The following MED14 variants were observed in gnomAD, a reference collection of about 807,000 sequenced individuals.
MED14 encodes mediator of RNA polymerase II transcription subunit 14.
MED14 carries 8 observed loss-of-function variants against 109.0 expected under a neutral mutation model. The observed-to-expected ratio is 0.07, with a 90% CI of 0.04 to 0.13. The LOEUF is 0.13. MED14 is among the 10% of genes least tolerant of loss of function. The pLI is 1.00. For synonymous variants in MED14, 399 were observed against 408.7 expected (o/e 0.98, Z 0.29); for missense variants, 711 against 1,142.4 (o/e 0.62, Z 5.44).
chrX:40,682,501 T>G, intron 18 of MED14, 102 bp downstream of exon 18: 1 of 670,914 alleles, frequency 1.5e-6, no homozygotes, highest in Non-Finnish European at 2.1e-6. Context: ...TATACTTTGA[T>G]TTTTTTGCTT....
Position 40,714,729 on chromosome X carries a change from A to G in MED14, c.349-19T>C, listed in dbSNP as rs774619740. 3.5e-5 allele frequency: 41 copies of G among 1,182,573 alleles called. No individual in the cohort carries two copies. The highest frequency in any genetic ancestry group is 4.2e-5 in the Non-Finnish European group (37 of 876,788). On this transcript the variant is annotated intron_variant, in intron 3 of 30. Transcript: ENST00000324817. The stretch of plus-strand genomic sequence containing the variant: ...AAATCATCTTTAAAGTAAAGGGTAA[A>G]TGTATTAAGCATCCCTGAAAACTAT...
Position 40,735,270 on chromosome X carries a change from C to T in MED14, c.143G>A (p.Gly48Asp), listed in dbSNP as rs1932217125. The change falls in exon 1 of 31, where the codon GGC becomes GAC. Residue 48 changes from glycine to aspartate, a missense_variant. By Grantham distance (94) the Gly-to-Asp change is moderately conservative. Around this residue, in one of 8 missense-constraint regions of MED14, gnomAD observed 62 missense variants for 55.2 expected, o/e 1.12. Transcript: ENST00000324817. ...TTCAATGAGGGTGCTCAGCCGGTAG[C>T]CCGGGCTAGCCGCAGCTGCAGCGGC... ...AAAAAAAASP[G>D]YRLSTLIEFL... The T allele has an allele frequency of 1.8e-6, 2 of 1,141,801 alleles. No homozygotes were observed. Among genetic ancestry groups the T allele is most frequent in the Non-Finnish European group, 2.3e-6 (2 of 861,870 alleles). The allele number at this position is 1,141,801 out of a possible 1,213,427, so 94.1% of individuals were successfully genotyped here.
intron 21 of MED14, among the ~76,000 whole-genome samples, chrX:40,677,358 C>T (rs1438959713): frequency 9.0e-6 from 1 of 110,976 alleles, no homozygotes; most frequent in Admixed American, 9.6e-5. Flanking sequence ...CAATGAAGAC[C>T]ACAGTCAATA....
intron 11 of MED14, among the ~76,000 whole-genome samples, chrX:40,702,251 T>C (rs1403046616): frequency 8.9e-6 from 1 of 112,301 alleles, no homozygotes; most frequent in Non-Finnish European, 1.9e-5. Flanking sequence ...TAAAAGACTA[T>C]TTTCTGTTGC....
At chrX:40,685,795 GGA>G (rs1254603132) in intron 16 of MED14, among the ~76,000 whole-genome samples, 1 of 112,178 alleles carries the variant, frequency 8.9e-6, no homozygotes, top group Non-Finnish European at 1.9e-5. Flanking sequence ...GATGCATCAA[GGA>G]GGCCTGCTTA....
Position 40,713,918 on chromosome X carries a change from A to T in MED14, c.523-11T>A. 8.4e-7 allele frequency: 1 copy of T among 1,197,265 alleles called. No homozygotes were observed. The highest frequency in any genetic ancestry group is 1.1e-6 in the Non-Finnish European group (1 of 887,847). On this transcript the variant is annotated splice_polypyrimidine_tract_variant and intron_variant, in intron 4 of 30. Coordinates refer to ENST00000324817, the MANE Select transcript of MED14 (RefSeq NM_004229.4). ...AGGAATAATTTTGTCCTGCAAAAAAATTTAAGTGATTTTTAAATAATGTAC... is the reference window on the plus strand; with the variant it reads ...AGGAATAATTTTGTCCTGCAAAAAATTTTAAGTGATTTTTAAATAATGTAC...
rs1431963016 is a variant in MED14 at position 40,680,712 on chromosome X, C to A, written c.2610+46G>T. On this transcript the variant is annotated intron_variant, in intron 20 of 30. Transcript: ENST00000324817. ...GGATTACAGGTGTGAACCAGCACGGCTGGCATACTAAGTCTTATTTTTAGA... is the reference window on the plus strand; with the variant it reads ...GGATTACAGGTGTGAACCAGCACGGATGGCATACTAAGTCTTATTTTTAGA... The A allele has an allele frequency of 1.0e-5, 11 of 1,095,870 alleles. No homozygotes were observed. The African/African-American group carries it at 1.1e-4, about 11-fold the overall frequency. 90.3% of individuals were successfully genotyped at this position (1,095,870 alleles called of 1,213,427 possible).
intron 16 of MED14, among the ~76,000 whole-genome samples, chrX:40,683,947 T>A (rs1930213093): frequency 8.9e-6 from 1 of 112,052 alleles, no homozygotes; most frequent in Non-Finnish European, 1.9e-5. Flanking sequence ...TAAAACATGA[T>A]GAGGTAATAT....
chrX:40,696,939 A>G, intron 13 of MED14, 85 bp downstream of exon 13: 1 of 846,129 alleles, frequency 1.2e-6, no homozygotes, highest in East Asian at 3.2e-5. Flanking sequence ...AATAAAATTC[A>G]TTGGCAAGTT....
chrX:40,670,821 T>C (rs770013330), intron 23 of MED14, among the ~76,000 whole-genome samples: 1 of 111,783 alleles, frequency 8.9e-6, no homozygotes, highest in East Asian at 2.8e-4. Flanking sequence ...CTGCAAATTC[T>C]GCTTTTCAAA....
rs1221370158 is a variant in MED14, at chrX:40,650,728, CA to C, written c.*1077del. ...GGGAATGGACCAGGTTTCTTCCAAG[CA>C]AAACATTCTATCGTTTTGTTGACAA... On this transcript the variant is annotated 3_prime_UTR_variant, in exon 31 of 31. Transcript: ENST00000324817. The C allele has an allele frequency of 1.3e-6, 1 of 752,361 alleles. No individual in the cohort carries two copies. Among genetic ancestry groups the C allele is most frequent in the Non-Finnish European group, 1.6e-6 (1 of 638,921 alleles). The allele number at this position is 752,361 out of a possible 1,213,427, so 62.0% of individuals were successfully genotyped here. A position where few individuals can be genotyped will look rare whatever the true frequency, so the allele number is the denominator to read the frequency against.
intron 3 of MED14, among the ~76,000 whole-genome samples, chrX:40,715,795 A>G (rs1225645020): frequency 9.8e-6 from 1 of 102,314 alleles, no homozygotes; most frequent in African/African-American, 3.6e-5. Context: ...CAAAAAAAAA[A>G]AAAAAAAAAA....
At chrX:40,675,752 T>C (rs1929889313) in intron 21 of MED14, among the ~76,000 whole-genome samples, 1 of 112,359 alleles carries the variant, frequency 8.9e-6, no homozygotes, top group Non-Finnish European at 1.9e-5. Flanking sequence ...ATCTCACTTT[T>C]TAAACTAGAA....
intron 18 of MED14, 34 bp downstream of exon 18, chrX:40,682,564 TTTTAA>T: frequency 9.3e-7 from 1 of 1,075,201 alleles, no homozygotes; most frequent in Non-Finnish European, 1.2e-6. Context: ...GGCTTTTTTT[TTTTAA>T]TTTATTTAAA....
At chrX:40,728,978 C>T (rs1602497456) in intron 2 of MED14, among the ~76,000 whole-genome samples, 1 of 111,386 alleles carries the variant, frequency 9.0e-6, no homozygotes, top group Admixed American at 9.5e-5. Flanking sequence ...CCACTATGCC[C>T]GTGGCAGTCA....
rs1263811813 is a variant in MED14, at chrX:40,692,313, G to C, written c.1850C>G (p.Ser617Cys). The C allele has an allele frequency of 8.9e-7, 1 of 1,118,851 alleles. No individual in the cohort carries two copies. The allele number at this position is 1,118,851 out of a possible 1,213,427, so 92.2% of individuals were successfully genotyped here. A position where few individuals can be genotyped will look rare whatever the true frequency, so the allele number is the denominator to read the frequency against. Residue 617 changes from serine to cysteine, a missense_variant, in exon 15 of 31, where the codon TCT (serine) becomes TGT (cysteine). Around this residue, in one of 8 missense-constraint regions of MED14, gnomAD observed 388 missense variants for 517.3 expected, o/e 0.75. Transcript: ENST00000324817. ...QTRTNAKRKL[S>C]DDPCPVESKK... ...GGATTCTACTGGACATGGATCATCA[G>C]ACAACTAGAATTTAAGTAAAGAACA...
At chrX:40,709,919 A>G in intron 9 of MED14, 60 bp downstream of exon 9, 1 of 827,839 alleles carries the variant, frequency 1.2e-6, no homozygotes, top group Non-Finnish European at 1.7e-6. Flanking sequence ...TAAGAGTTTA[A>G]GGATAAATGG....
At chrX:40,706,046 T>C (rs949461755) in intron 10 of MED14, among the ~76,000 whole-genome samples, 1 of 111,373 alleles carries the variant, frequency 9.0e-6, no homozygotes, top group Non-Finnish European at 1.9e-5. Context: ...TCCCTTGAAA[T>C]GCTCCACTCT....
Position 40,701,888 on chromosome X carries a change from C to G in MED14, c.1412-645G>C, listed in dbSNP as rs1037471013. Among the ~76,000 whole-genome samples the G allele has an allele frequency of 5.4e-5, 6 of 111,628 alleles. No individual in the cohort carries two copies. The Admixed American group carries it at 5.7e-4, about 11-fold the overall frequency. ...CCCCCAAGATCCATATGTTGTACCC[C>G]TAATCCTCAGTGTGATGGTATTTGG... On this transcript the variant is annotated intron_variant, in intron 11 of 30. Coordinates refer to ENST00000324817, the MANE Select transcript of MED14 (RefSeq NM_004229.4).
Sources: allele counts gnomAD v4.1 joint callset (sites outside exome capture counted in the v4.1 genomes callset), GRCh38; gene constraint gnomAD v4.1.1; regional missense constraint gnomAD v4.1.1; transcripts MANE v1.5; gene names NCBI Gene and HGNC (gene_info 2026-07-23, HGNC 2026-07-21).